Variants in TIAM2 observed in about 807,000 individuals in gnomAD.
TIAM2 encodes the protein rho guanine nucleotide exchange factor TIAM2.
In TIAM2, 80 loss-of-function variants were observed where a neutral mutation model predicts 152.9. That is an observed-to-expected ratio of 0.52 (90% CI 0.44 to 0.63). The LOEUF is 0.63. TIAM2 is among the 30% of genes least tolerant of loss of function. The pLI is 0.00. For synonymous variants in TIAM2, 804 were observed against 838.0 expected, an observed-to-expected ratio of 0.96 and a Z score of 0.70; for missense variants, 1,965 against 2,120.1, an observed-to-expected ratio of 0.93 and a Z score of 1.44.
intron 1 of TIAM2, among the ~76,000 whole-genome samples, chr6:155,087,760 T>TAAATA (rs777649806): frequency 2.0e-5 from 3 of 151,966 alleles, no homozygotes; most frequent in African/African-American, 7.2e-5. Context: ...AAAAATGAAA[T>TAAATA]AAATAAAATA....
chr6:155,177,842 C>T (rs1207149533), intron 10 of TIAM2, among the ~76,000 whole-genome samples: 1 of 152,104 alleles, frequency 6.6e-6, no homozygotes, highest in Non-Finnish European at 1.5e-5. Flanking sequence ...TGATATCCTC[C>T]ATTAAACTGA....
chr6:155,222,329 C>G (rs1392096326), intron 15 of TIAM2, among the ~76,000 whole-genome samples: 3 of 151,762 alleles, frequency 2.0e-5, no homozygotes, highest in Admixed American at 6.5e-5. Flanking sequence ...GTTGGGTGGG[C>G]GTGGCTCACG....
At chr6:155,117,444 T>A (rs1287305694) in intron 2 of TIAM2, among the ~76,000 whole-genome samples, 1 of 152,154 alleles carries the variant, frequency 6.6e-6, no homozygotes, top group African/African-American at 2.4e-5. Flanking sequence ...GTTGTCATAT[T>A]CTCTCTCTTC....
At chr6:155,081,314 A>T (rs571370849) in intron 1 of TIAM2, among the ~76,000 whole-genome samples, 38 of 151,624 alleles carry the variant, frequency 2.5e-4, no homozygotes, top group African/African-American at 8.7e-4. Flanking sequence ...CCCCCCGCCC[A>T]TGTACTTACA....
chr6:155,000,720 T>G (rs1280030738), intron 1 of TIAM2, among the ~76,000 whole-genome samples: 1 of 152,048 alleles, frequency 6.6e-6, no homozygotes, highest in Non-Finnish European at 1.5e-5. Flanking sequence ...CACCTTGGCT[T>G]ACGCCTATAA....
chr6:155,221,126 G>GAAA (rs11309755), intron 15 of TIAM2, among the ~76,000 whole-genome samples: 5 of 109,028 alleles, frequency 4.6e-5, no homozygotes, highest in East Asian at 3.5e-4. Flanking sequence ...TTTTTTTTTT[G>GAAA]AAAAAAAAAA....
intron 5 of TIAM2, among the ~76,000 whole-genome samples, chr6:155,141,009 C>A (rs1779690520): frequency 6.6e-6 from 1 of 152,100 alleles, no homozygotes; most frequent in Non-Finnish European, 1.5e-5. Context: ...GTATTTTATC[C>A]CAAAAGGTAG....
At chr6:155,009,883 C>T (rs1778458449) in intron 1 of TIAM2, among the ~76,000 whole-genome samples, 2 of 151,892 alleles carry the variant, frequency 1.3e-5, no homozygotes, top group Admixed American at 1.3e-4. Flanking sequence ...GGCTGAGTCT[C>T]ACTCTGTCAC....
At chr6:155,208,828 G>A (rs1057504151) in intron 14 of TIAM2, among the ~76,000 whole-genome samples, 6 of 151,856 alleles carry the variant, frequency 4.0e-5, no homozygotes, top group African/African-American at 1.5e-4. Context: ...TGACTTTCTT[G>A]TCCTCCATCC....
At chr6:155,236,585 C>T (rs1782771508) in intron 15 of TIAM2, among the ~76,000 whole-genome samples, 1 of 152,172 alleles carries the variant, frequency 6.6e-6, no homozygotes, top group Admixed American at 6.5e-5. Flanking sequence ...ATTGCTTGCA[C>T]CCGGGAGGCA....
In TIAM2 at chr6:155,172,641, AATATATATATATATATAT is replaced by A. The variant is rs71023629; in HGVS notation, c.2362-4146_2362-4129del. ...GGAAACCTTGAAGAGGCTAGTTGGA[AATATATATATATATATAT>A]ATATATATATATATATATATATATA... On this transcript the variant is annotated intron_variant, in intron 9 of 26. Transcript: ENST00000682666. Among the ~76,000 whole-genome samples the A allele has an allele frequency of 4.7e-3, 185 of 39,264 alleles. 2 individuals carry two copies. The highest frequency in any genetic ancestry group is 9.7e-3 in the South Asian group (5 of 514). 25.8% of individuals were successfully genotyped at this position (39,264 alleles called of 152,430 possible).
chr6:155,208,336 G>T (rs1206444833), intron 14 of TIAM2, among the ~76,000 whole-genome samples: 3 of 152,086 alleles, frequency 2.0e-5, no homozygotes, highest in Non-Finnish European at 4.4e-5. Context: ...TCTATGAAAA[G>T]AAAGGTACCT....
intron 1 of TIAM2, among the ~76,000 whole-genome samples, chr6:155,025,988 A>G (rs1012165169): frequency 3.3e-5 from 5 of 152,012 alleles, no homozygotes; most frequent in Non-Finnish European, 5.9e-5. Context: ...AACACCCGCT[A>G]GTCTACACAT....
intron 1 of TIAM2, among the ~76,000 whole-genome samples, chr6:155,069,361 T>C (rs1267561883): frequency 1.3e-5 from 2 of 152,190 alleles, no homozygotes; most frequent in East Asian, 3.8e-4. Flanking sequence ...CCCGAAATGC[T>C]GAGATTACAG....
At chr6:155,026,918 G>C (rs916352264) in intron 1 of TIAM2, among the ~76,000 whole-genome samples, 6 of 152,154 alleles carry the variant, frequency 3.9e-5, no homozygotes, top group African/African-American at 1.2e-4. Context: ...CTGTTCATTT[G>C]TTATAGTGCA....
intron 2 of TIAM2, among the ~76,000 whole-genome samples, chr6:155,106,715 T>C (rs571414513): frequency 1.3e-5 from 2 of 152,302 alleles, no homozygotes; most frequent in Admixed American, 1.3e-4. Context: ...TCCCTTCAAG[T>C]GAGTAAACCT....
chr6:155,009,924 C>T (rs1452076621), intron 1 of TIAM2, among the ~76,000 whole-genome samples: 10 of 152,038 alleles, frequency 6.6e-5, no homozygotes, highest in African/African-American at 2.4e-4. Flanking sequence ...GCAATCTCGG[C>T]TCACTGCAAC....
chr6:155,242,407 C>T (rs1183286569), intron 16 of TIAM2, among the ~76,000 whole-genome samples: 1 of 152,246 alleles, frequency 6.6e-6, no homozygotes, highest in Non-Finnish European at 1.5e-5. Context: ...TATGTGTTCC[C>T]TGAGATATGA....
At chr6:155,141,530 A>T (rs1308778184) in intron 5 of TIAM2, among the ~76,000 whole-genome samples, 1 of 152,296 alleles carries the variant, frequency 6.6e-6, no homozygotes, top group East Asian at 1.9e-4. Flanking sequence ...CCTACCTGGA[A>T]TGTATAGGTA....
Sources: allele counts gnomAD v4.1 joint callset (sites outside exome capture counted in the v4.1 genomes callset), GRCh38; gene constraint gnomAD v4.1.1; transcripts MANE v1.5; gene names NCBI Gene and HGNC (gene_info 2026-07-23, HGNC 2026-07-21).